CLDN16: variants seen among roughly 807,000 people sequenced by gnomAD.
The protein encoded by CLDN16 is claudin 16, also known as claudin-16.
Under a neutral mutation model 24.6 loss-of-function variants are expected in CLDN16, and 13 were observed. That is an observed-to-expected ratio of 0.53 (90% confidence interval 0.34 to 0.84). The LOEUF is 0.84. CLDN16 is among the 40% of genes least tolerant of loss of function. The pLI is 0.01. For synonymous variants in CLDN16, 116 were observed against 106.7 expected, an observed-to-expected ratio of 1.09 and a Z score of -0.54; for missense variants, 298 against 292.7, an observed-to-expected ratio of 1.02 and a Z score of -0.13.
upstream of CLDN16, among the ~76,000 whole-genome samples, chr3:190,321,099 A>G (rs1229037596): frequency 1.3e-5 from 2 of 152,198 alleles, no homozygotes; most frequent in African/African-American, 4.8e-5. Flanking sequence ...TGGAAGATGG[A>G]AACCTAAGGA....
upstream of CLDN16, chr3:190,387,879 C>T (rs149691624): frequency 1.1e-4 from 62 of 561,604 alleles, no homozygotes; most frequent in East Asian, 1.0e-3. Flanking sequence ...AGCCTTCTTC[C>T]GAGTGGGGAG....
upstream of CLDN16, among the ~76,000 whole-genome samples, chr3:190,385,979 G>A (rs1718488691): frequency 6.6e-6 from 1 of 152,064 alleles, no homozygotes; most frequent in Non-Finnish European, 1.5e-5. Flanking sequence ...TATAACAAGT[G>A]GCCTTACAGA....
chr3:190,365,645 G>A (rs907054841), intron 1 of CLDN16, among the ~76,000 whole-genome samples: 4 of 150,598 alleles, frequency 2.7e-5, no homozygotes, highest in Non-Finnish European at 3.0e-5. Flanking sequence ...AGAACGATCT[G>A]AAATCAAGCA....
intron 1 of CLDN16, among the ~76,000 whole-genome samples, chr3:190,352,181 C>A: frequency 1.4e-5 from 2 of 147,886 alleles, no homozygotes; most frequent in Admixed American, 6.7e-5. Flanking sequence ...ATTAGTAAAA[C>A]AATAAAAAAG....
At position 190,408,915 on chromosome 3, in the gene CLDN16, G is replaced by C. The variant is rs1036497109; in HGVS notation, c.574+410G>C. On this transcript the variant is annotated intron_variant, in intron 4 of 4. Coordinates refer to ENST00000264734, the MANE Select transcript of CLDN16 (RefSeq NM_006580.4). Reference sequence around the variant, plus strand: ...ACCCTTGTATATATACGTATACATAGTACATATGTATACACATATACACAT... The same window carrying C: ...ACCCTTGTATATATACGTATACATACTACATATGTATACACATATACACAT... 2.0e-5 allele frequency among the ~76,000 whole-genome samples: 3 copies of C among 147,282 alleles called. No individual in the cohort carries two copies. In the South Asian group the frequency reaches 6.3e-4, roughly 31 times the overall value.
intron 1 of CLDN16, among the ~76,000 whole-genome samples, chr3:190,333,343 T>G (rs186325317): frequency 6.6e-6 from 1 of 152,156 alleles, no homozygotes; most frequent in Admixed American, 6.5e-5. Flanking sequence ...CTTATTCAGA[T>G]TCTTAGAAAT....
chr3:190,396,506 A>T (rs1263382070), intron 1 of CLDN16, among the ~76,000 whole-genome samples: 2 of 152,226 alleles, frequency 1.3e-5, no homozygotes, highest in Admixed American at 6.5e-5. Flanking sequence ...CTCACTAAAC[A>T]TTTATTAAGC....
At chr3:190,299,301 A>G in the CLDN16 span, among the ~76,000 whole-genome samples, 2 of 151,978 alleles carry the variant, frequency 1.3e-5, no homozygotes, top group African/African-American at 4.8e-5. Flanking sequence ...TATTTGTTAT[A>G]ATTGATCTAT....
In CLDN16 at chr3:190,411,925, A is replaced by G. The variant is rs1338873341; in HGVS notation, c.*1889A>G. 6.6e-6 allele frequency: 1 copy of G among 152,068 alleles called. No homozygotes were observed. Among genetic ancestry groups the G allele is most frequent in the Non-Finnish European group, 1.5e-5 (1 of 67,952 alleles). The allele number at this position is 152,068 out of a possible 1,614,324, so 9.4% of individuals were successfully genotyped here. A position where few individuals can be genotyped will look rare whatever the true frequency, so the allele number is the denominator to read the frequency against. On this transcript the variant is annotated 3_prime_UTR_variant, in exon 5 of 5. Coordinates refer to ENST00000264734, the MANE Select transcript of CLDN16 (RefSeq NM_006580.4). Reference sequence around the variant, plus strand: ...TTTATTCCCATTTTTATTTTATACTATTGTCTGTCATGCTTTATGTATTCC... The same window carrying G: ...TTTATTCCCATTTTTATTTTATACTGTTGTCTGTCATGCTTTATGTATTCC...
chr3:190,341,989 C>T (rs1345874747), intron 1 of CLDN16, among the ~76,000 whole-genome samples: 1 of 152,206 alleles, frequency 6.6e-6, no homozygotes, highest in East Asian at 1.9e-4. Flanking sequence ...CCATCTGAAA[C>T]CACCTGAGCC....
chr3:190,323,471 A>C (rs1716989346), intron 1 of CLDN16, among the ~76,000 whole-genome samples: 1 of 152,064 alleles, frequency 6.6e-6, no homozygotes, highest in East Asian at 1.9e-4. Context: ...ATGTTTCTCC[A>C]AAGCTTCCTT....
chr3:190,323,086 A>G (rs779067246), intron 1 of CLDN16, among the ~76,000 whole-genome samples: 1 of 151,618 alleles, frequency 6.6e-6, no homozygotes, highest in Non-Finnish European at 1.5e-5. Context: ...TCTGCTTTCC[A>G]CTACATATCA....
chr3:190,394,720 G>A (rs574157909), intron 1 of CLDN16, among the ~76,000 whole-genome samples: 10 of 152,134 alleles, frequency 6.6e-5, no homozygotes, highest in Admixed American at 5.9e-4. Context: ...TTGAAAGAAT[G>A]AATATATTAA....
intron 1 of CLDN16, among the ~76,000 whole-genome samples, chr3:190,364,653 T>G (rs1310098703): frequency 6.6e-6 from 1 of 151,934 alleles, no homozygotes; most frequent in Non-Finnish European, 1.5e-5. Flanking sequence ...AGCATTAGGG[T>G]CTGACTGGCT....
intron 1 of CLDN16, among the ~76,000 whole-genome samples, chr3:190,370,554 T>G (rs942420283): frequency 2.6e-5 from 4 of 151,974 alleles, no homozygotes; most frequent in Admixed American, 2.6e-4. Context: ...GTAATTCACA[T>G]GGCTATGATC....
chr3:190,310,206 G>T, the CLDN16 span: 3 of 1,613,844 alleles, frequency 1.9e-6, no homozygotes, highest in Non-Finnish European at 2.5e-6. Flanking sequence ...TAGAATTCTT[G>T]AACGATTCTA....
At chr3:190,322,215 C>T, upstream of CLDN16, 2 of 1,612,790 alleles carry the variant, frequency 1.2e-6, no homozygotes, top group Non-Finnish European at 8.5e-7. Flanking sequence ...ATGACTCGCT[C>T]GGGCGCCCGC....
chr3:190,320,358 G>T (rs370332402), upstream of CLDN16, among the ~76,000 whole-genome samples: 1 of 152,108 alleles, frequency 6.6e-6, no homozygotes, highest in Admixed American at 6.5e-5. Context: ...ATTCCTTAAC[G>T]TGGTACCTAA....
At chr3:190,320,073 TG>T (rs3836453), upstream of CLDN16, among the ~76,000 whole-genome samples, 1 of 151,824 alleles carries the variant, frequency 6.6e-6, no homozygotes. Context: ...AAAGTGTGTG[TG>T]GGGGGGTAGG....
Sources: gnomAD v4.1 joint callset for allele counts (sites outside exome capture counted in the v4.1 genomes callset) on GRCh38, gnomAD v4.1.1 for gene constraint, MANE v1.5 for transcripts, NCBI Gene and HGNC (gene_info 2026-07-23, HGNC 2026-07-21) for gene names.